KLHL29: variants seen among roughly 807,000 people sequenced by gnomAD.
KLHL29 encodes kelch like family member 29, also known as kelch-like protein 29.
In KLHL29, 21 loss-of-function variants were observed where a neutral mutation model predicts 80.4. The ratio of observed to expected loss-of-function variants is 0.26; its 90% confidence interval spans 0.19 to 0.38. The LOEUF is 0.38. Among genes scored for constraint, KLHL29 ranks in the 10% least tolerant of loss-of-function variants. The pLI, the probability that KLHL29 is intolerant of heterozygous loss-of-function variation, is 1.00. For missense variants in KLHL29, 867 were observed against 1,223.9 expected, an observed-to-expected ratio of 0.71 and a Z score of 4.35; for synonymous variants, 511 against 526.8, an observed-to-expected ratio of 0.97 and a Z score of 0.41.
At position 23,596,886 on chromosome 2, in the gene KLHL29, A is replaced by T. The variant is rs1450668602; in HGVS notation, c.285+34405A>T. ...TACTCATGGCACTCATGTAAGTGCT[A>T]CTTCTGGAGTGGTCCCAGCCAGATA... On this transcript the variant is annotated intron_variant, in intron 3 of 13. Transcript: ENST00000486442. The surrounding 1 kb of genome is among the most constrained non-coding windows in gnomAD (Gnocchi z 4.4). Among the ~76,000 whole-genome samples, 7 of 152,176 alleles carry T rather than the reference A, an allele frequency of 4.6e-5. No individual in the cohort carries two copies. The highest frequency in any genetic ancestry group is 1.7e-4 in the African/African-American group (7 of 41,434).
intron 3 of KLHL29, among the ~76,000 whole-genome samples, chr2:23,575,251 A>T (rs949196190): frequency 6.6e-6 from 1 of 152,164 alleles, no homozygotes; most frequent in Non-Finnish European, 1.5e-5. Context: ...CAGAGAGCGG[A>T]GCCGAAGGTG....
chr2:23,518,726 G>A (rs962736692), intron 2 of KLHL29, among the ~76,000 whole-genome samples: 2 of 152,056 alleles, frequency 1.3e-5, no homozygotes, highest in African/African-American at 4.8e-5. Flanking sequence ...AGCTGCACAC[G>A]CCAACACATG....
chr2:23,569,731 A>G (rs4665229), intron 3 of KLHL29, among the ~76,000 whole-genome samples: 114,891 of 152,080 alleles, frequency 0.76, 43,960 homozygotes, highest in East Asian at 1. Context: ...AATAACTTGA[A>G]GAAATAAACA....
chr2:23,651,693 G>A (rs1199180198), intron 5 of KLHL29, among the ~76,000 whole-genome samples: 1 of 152,164 alleles, frequency 6.6e-6, no homozygotes, highest in Non-Finnish European at 1.5e-5. Context: ...CACAAATTGG[G>A]TGGCTTAAAC....
chr2:23,501,429 G>A (rs1207943014), intron 2 of KLHL29, among the ~76,000 whole-genome samples: 1 of 152,122 alleles, frequency 6.6e-6, no homozygotes, highest in African/African-American at 2.4e-5. Flanking sequence ...CCGAGAGACA[G>A]CAGTGGAAAT....
intron 3 of KLHL29, among the ~76,000 whole-genome samples, chr2:23,586,986 C>G (rs1044876753): frequency 1.3e-5 from 2 of 152,122 alleles, no homozygotes; most frequent in African/African-American, 4.8e-5. Flanking sequence ...TGATGTGCTC[C>G]GTCTTATTGT....
intron 5 of KLHL29, among the ~76,000 whole-genome samples, chr2:23,663,416 C>T (rs1316089611): frequency 1.3e-5 from 2 of 152,228 alleles, no homozygotes; most frequent in South Asian, 2.1e-4. Flanking sequence ...CCACTCGGGC[C>T]GCCCCGCGGC....
intron 2 of KLHL29, among the ~76,000 whole-genome samples, chr2:23,536,806 A>G (rs954835347): frequency 1.3e-5 from 2 of 152,046 alleles, no homozygotes; most frequent in African/African-American, 2.4e-5. Flanking sequence ...AGTAGGTACC[A>G]TGCCTATAGT....
intron 3 of KLHL29, among the ~76,000 whole-genome samples, chr2:23,604,370 C>T (rs1334385270): frequency 6.6e-6 from 1 of 152,186 alleles, no homozygotes; most frequent in East Asian, 1.9e-4. Context: ...GCTGGGATTA[C>T]AGGCGTGAGC....
chr2:23,467,140 A>T (rs561975493), intron 1 of KLHL29, among the ~76,000 whole-genome samples: 3 of 152,302 alleles, frequency 2.0e-5, no homozygotes, highest in East Asian at 3.9e-4. Context: ...AATTCGTGCC[A>T]GGCTGTGGCT....
rs1665516628 is a variant in KLHL29 at position 23,503,648 on chromosome 2, A to AT, written c.-46+27981_-46+27982insT. 6.6e-6 allele frequency among the ~76,000 whole-genome samples: 1 copy of AT among 151,314 alleles called. No individual in the cohort carries two copies. Among genetic ancestry groups the AT allele is most frequent in the Non-Finnish European group, 1.5e-5 (1 of 67,922 alleles). On this transcript the variant is annotated intron_variant, in intron 2 of 13. Transcript: ENST00000486442. This position sits in a 1 kb window ranked among gnomAD's most constrained non-coding sequence, Gnocchi z 4.0. Reference sequence around the variant, plus strand: ...CCAGGAGGCCCTTCCTTTGTTGGGTAGGAGCTGCCCCCGTCCATGTTCCAG... The same window carrying AT: ...CCAGGAGGCCCTTCCTTTGTTGGGTATGGAGCTGCCCCCGTCCATGTTCCAG...
intron 2 of KLHL29, among the ~76,000 whole-genome samples, chr2:23,540,010 C>G (rs937338889): frequency 2.6e-5 from 4 of 152,168 alleles, no homozygotes; most frequent in African/African-American, 9.7e-5. Context: ...GCCCACCAGC[C>G]CTGTGAGTTG....
intron 2 of KLHL29, among the ~76,000 whole-genome samples, chr2:23,509,245 GC>G (rs1205553250): frequency 1.3e-5 from 2 of 152,182 alleles, no homozygotes; most frequent in African/African-American, 4.8e-5. Flanking sequence ...CCTCCACACT[GC>G]AAGGACTCTC....
intron 3 of KLHL29, chr2:23,617,086 TGAA>T (rs1417199658): frequency 6.6e-6 from 1 of 152,246 alleles, no homozygotes; most frequent in Non-Finnish European, 1.5e-5. Flanking sequence ...TTCACTGTTC[TGAA>T]GGGTTTCCAT....
intron 3 of KLHL29, chr2:23,617,449 C>A (rs538035031): frequency 6.6e-6 from 1 of 152,216 alleles, no homozygotes; most frequent in Non-Finnish European, 1.5e-5. Flanking sequence ...AGGAAAAATG[C>A]GTTCCATGCA....
chr2:23,428,335 A>G (rs188968518), intron 1 of KLHL29, among the ~76,000 whole-genome samples: 2 of 152,322 alleles, frequency 1.3e-5, no homozygotes, highest in East Asian at 1.9e-4. Flanking sequence ...ATTTTCCCCC[A>G]GTGATGTTGC....
chr2:23,428,048 T>A (rs1026118231), intron 1 of KLHL29, among the ~76,000 whole-genome samples: 3 of 152,222 alleles, frequency 2.0e-5, no homozygotes. Context: ...ACTCATTTCT[T>A]GATTGGTGTC....
At chr2:23,580,035 G>A (rs1667940647) in intron 3 of KLHL29, among the ~76,000 whole-genome samples, 1 of 152,218 alleles carries the variant, frequency 6.6e-6, no homozygotes, top group Non-Finnish European at 1.5e-5. Flanking sequence ...TCTATAAAAT[G>A]GAGATAACAA....
intron 3 of KLHL29, among the ~76,000 whole-genome samples, chr2:23,576,910 C>T (rs996202466): frequency 2.6e-5 from 4 of 152,144 alleles, no homozygotes; most frequent in South Asian, 2.1e-4. Context: ...GATAGACCCG[C>T]GGTCAGATAG....
Sources: gnomAD v4.1 joint callset for allele counts (sites outside exome capture counted in the v4.1 genomes callset) on GRCh38, gnomAD v4.1.1 for gene constraint, Gnocchi (gnomAD v3.1) non-coding constraint, MANE v1.5 for transcripts, NCBI Gene and HGNC (gene_info 2026-07-23, HGNC 2026-07-21) for gene names.